Variants in FAM110B observed in about 807,000 individuals in gnomAD.
FAM110B encodes the protein protein FAM110B.
A neutral mutation model predicts 20.4 loss-of-function variants in FAM110B; 6 were observed. That is an observed-to-expected ratio of 0.29 (90% CI 0.16 to 0.58). The LOEUF is 0.58. Ranked by LOEUF, FAM110B falls within the 20% of genes least tolerant of loss-of-function variation. FAM110B has a pLI of 0.90. For synonymous variants in FAM110B, 226 were observed against 214.1 expected, an observed-to-expected ratio of 1.06 and a Z score of -0.49; for missense variants, 434 against 498.2, an observed-to-expected ratio of 0.87 and a Z score of 1.23.
chr8:58,064,835 G>A (rs964599808), intron 2 of FAM110B, among the ~76,000 whole-genome samples: 15 of 152,136 alleles, frequency 9.9e-5, no homozygotes, highest in East Asian at 5.8e-4. Flanking sequence ...GCGATAAAAC[G>A]TAATAAATGG....
At chr8:58,068,965 T>C (rs1805833988) in intron 2 of FAM110B, among the ~76,000 whole-genome samples, 1 of 152,210 alleles carries the variant, frequency 6.6e-6, no homozygotes, top group Admixed American at 6.5e-5. Flanking sequence ...TAAAAATAAT[T>C]AGAAGCCCTT....
chr8:58,063,900 A>G (rs533991125), intron 2 of FAM110B, among the ~76,000 whole-genome samples: 1 of 152,094 alleles, frequency 6.6e-6, no homozygotes, highest in South Asian at 2.1e-4. Flanking sequence ...AATGCCTGAG[A>G]TTGGGTAGTT....
intron 2 of FAM110B, among the ~76,000 whole-genome samples, chr8:58,062,426 T>C (rs1030545221): frequency 2.6e-5 from 4 of 152,182 alleles, no homozygotes; most frequent in African/African-American, 9.6e-5. Context: ...ACAGACTCCA[T>C]TTGCACATTA....
Position 58,045,021 on chromosome 8 carries a change from T to G in FAM110B, c.-414+13318T>G, listed in dbSNP as rs140512435. ...GCTTTAATTAGGTAAAAGTCAATGC[T>G]TAATAGCCTGTTAAAGCATTATTTT... On this transcript the variant is annotated intron_variant, in intron 2 of 3. Coordinates refer to ENST00000519262, the MANE Select transcript of FAM110B (RefSeq NM_001377989.1). Among the ~76,000 whole-genome samples the G allele has an allele frequency of 6.2e-3, 952 of 152,342 alleles. 21 individuals carry two copies. Among genetic ancestry groups the G allele is most frequent in the East Asian group, 0.023 (120 of 5,196 alleles).
intron 2 of FAM110B, among the ~76,000 whole-genome samples, chr8:58,048,898 T>A (rs1216736841): frequency 1.3e-5 from 2 of 152,238 alleles, no homozygotes; most frequent in Non-Finnish European, 2.9e-5. Flanking sequence ...AGCTCATCCT[T>A]TTAAAAATAA....
chr8:58,134,985 G>A (rs1563381932), intron 3 of FAM110B, among the ~76,000 whole-genome samples: 1 of 152,180 alleles, frequency 6.6e-6, no homozygotes, highest in Non-Finnish European at 1.5e-5. Flanking sequence ...TATAATTAGT[G>A]TGGGTGCCTG....
At chr8:58,001,755 A>C (rs528640693) in intron 1 of FAM110B, among the ~76,000 whole-genome samples, 16 of 152,338 alleles carry the variant, frequency 1.1e-4, no homozygotes, top group African/African-American at 3.8e-4. Flanking sequence ...ATACTTAAGT[A>C]TCTTCATTTT....
chr8:58,110,549 G>A (rs935860588), intron 3 of FAM110B, among the ~76,000 whole-genome samples: 1 of 152,068 alleles, frequency 6.6e-6, no homozygotes, highest in African/African-American at 2.4e-5. Context: ...AAAAGTAATA[G>A]TATTTCAAAG....
At chr8:57,996,475 T>A (rs1804186988) in intron 1 of FAM110B, among the ~76,000 whole-genome samples, 1 of 152,272 alleles carries the variant, frequency 6.6e-6, no homozygotes, top group Admixed American at 6.5e-5. Context: ...GTTGTTATTA[T>A]GCCTATGACT....
chr8:58,104,387 A>G (rs182151291), intron 3 of FAM110B, among the ~76,000 whole-genome samples: 2 of 152,360 alleles, frequency 1.3e-5, no homozygotes, highest in African/African-American at 4.8e-5. Flanking sequence ...AAATTTAAAT[A>G]TATCGTTTTA....
chr8:58,042,532 T>A (rs905766918), intron 2 of FAM110B, among the ~76,000 whole-genome samples: 9 of 152,346 alleles, frequency 5.9e-5, no homozygotes, highest in Admixed American at 2.6e-4. Context: ...CCGTCTTATT[T>A]CTTCCAAGAG....
chr8:57,997,843 G>A (rs957669407), intron 1 of FAM110B, among the ~76,000 whole-genome samples: 1 of 152,216 alleles, frequency 6.6e-6, no homozygotes, highest in African/African-American at 2.4e-5. Flanking sequence ...GATGGTTGAT[G>A]GTGGGTGTGG....
intron 2 of FAM110B, among the ~76,000 whole-genome samples, chr8:58,073,347 G>A (rs1805952040): frequency 6.6e-6 from 1 of 152,172 alleles, no homozygotes; most frequent in South Asian, 2.1e-4. Flanking sequence ...AGGAGTGCCA[G>A]GGAGGGCTTC....
intron 1 of FAM110B, among the ~76,000 whole-genome samples, chr8:57,996,704 TC>T (rs1804190536): frequency 6.6e-6 from 1 of 152,154 alleles, no homozygotes; most frequent in Non-Finnish European, 1.5e-5. Context: ...TCCCCTGCAC[TC>T]CCTTGTTCTC....
intron 3 of FAM110B, among the ~76,000 whole-genome samples, chr8:58,108,434 G>A (rs533100545): frequency 1.3e-5 from 2 of 152,208 alleles, no homozygotes; most frequent in Non-Finnish European, 2.9e-5. Flanking sequence ...TCACTTGCTG[G>A]CAGGCCTTCA....
intron 3 of FAM110B, among the ~76,000 whole-genome samples, chr8:58,143,463 G>A (rs1412537050): frequency 1.3e-5 from 2 of 152,214 alleles, no homozygotes; most frequent in Non-Finnish European, 2.9e-5. Flanking sequence ...AATGAAGTAT[G>A]AAATACTTGC....
intron 3 of FAM110B, among the ~76,000 whole-genome samples, chr8:58,126,020 A>G (rs1300521957): frequency 6.6e-6 from 1 of 152,194 alleles, no homozygotes; most frequent in Non-Finnish European, 1.5e-5. Flanking sequence ...CACCACCACA[A>G]TCAAGATCCT....
At chr8:58,136,003 CTTTTTTTTTTTTTTT>C (rs5891669) in intron 3 of FAM110B, among the ~76,000 whole-genome samples, 2 of 71,488 alleles carry the variant, frequency 2.8e-5, no homozygotes, top group South Asian at 1.4e-3. Flanking sequence ...CCAGCAAGTC[CTTTTTTTTTTTTTTT>C]TTTTTTTTTT....
chr8:58,148,173 T>TG lies in FAM110B; in HGVS notation c.*830_*831insG, dbSNP rs1803914475. The TG allele has an allele frequency of 6.5e-6, 1 of 153,330 alleles. No homozygotes were observed. Among genetic ancestry groups the TG allele is most frequent in the African/African-American group, 2.5e-5 (1 of 39,630 alleles). 9.5% of individuals were successfully genotyped at this position (153,330 alleles called of 1,614,324 possible). A position where few individuals can be genotyped will look rare whatever the true frequency, so the allele number is the denominator to read the frequency against. ...AAAAAGTTGTGGTTTTTTGTTTTTT[T>TG]TTTTTTTTTTTTTGGTCGAGAACTA... On this transcript the variant is annotated 3_prime_UTR_variant, in exon 4 of 4. Transcript: ENST00000519262.
Sources: allele counts gnomAD v4.1 joint callset (sites outside exome capture counted in the v4.1 genomes callset), GRCh38; gene constraint gnomAD v4.1.1; transcripts MANE v1.5; gene names NCBI Gene and HGNC (gene_info 2026-07-23, HGNC 2026-07-21).